LRRC38: variants seen among roughly 807,000 people sequenced by gnomAD.
LRRC38 encodes leucine-rich repeat-containing protein 38.
Under a neutral mutation model 16.4 loss-of-function variants are expected in LRRC38, and 5 were observed. The observed-to-expected ratio is 0.31, with a 90% confidence interval of 0.16 to 0.64. The LOEUF is 0.64. Among genes scored for constraint, LRRC38 ranks in the 30% least tolerant of loss-of-function variants. The probability of loss-of-function intolerance (pLI) is 0.80; values close to 1 mark genes in which losing one functional copy is unlikely to be tolerated. For synonymous variants in LRRC38, 191 were observed against 190.2 expected, an observed-to-expected ratio of 1.00 and a Z score of -0.04; for missense variants, 341 against 401.8, an observed-to-expected ratio of 0.85 and a Z score of 1.29.
chr1:13,485,294 A>G (rs1569914364), intron 1 of LRRC38, among the ~76,000 whole-genome samples: 1 of 120,754 alleles, frequency 8.3e-6, no homozygotes, highest in East Asian at 2.9e-4. Flanking sequence ...AAAAAAAAAA[A>G]CGGCCAGGCA....
intron 1 of LRRC38, among the ~76,000 whole-genome samples, chr1:13,502,028 T>C (rs1185577808): frequency 6.7e-6 from 1 of 149,652 alleles, no homozygotes; most frequent in African/African-American, 2.5e-5. Flanking sequence ...CCTGGGTTCA[T>C]GCCATTCTGC....
At chr1:13,485,138 G>A (rs924178013) in intron 1 of LRRC38, among the ~76,000 whole-genome samples, 3 of 152,078 alleles carry the variant, frequency 2.0e-5, no homozygotes, top group Admixed American at 6.6e-5. Context: ...TTAGCTAGGC[G>A]TGATGGCGCA....
chr1:13,503,508 A>G (rs1036094912), intron 1 of LRRC38, among the ~76,000 whole-genome samples: 2 of 152,156 alleles, frequency 1.3e-5, no homozygotes, highest in Non-Finnish European at 2.9e-5. Context: ...ACCTCAGGTG[A>G]TCTGCCCGCC....
intron 1 of LRRC38, among the ~76,000 whole-genome samples, chr1:13,501,158 T>C (rs916946815): frequency 6.6e-6 from 1 of 152,024 alleles, no homozygotes; most frequent in Non-Finnish European, 1.5e-5. Flanking sequence ...AATATAGATA[T>C]ATATACGCAT....
intron 1 of LRRC38, among the ~76,000 whole-genome samples, chr1:13,494,597 C>A (rs1333373760): frequency 6.6e-6 from 1 of 152,130 alleles, no homozygotes; most frequent in Non-Finnish European, 1.5e-5. Context: ...TGAATTTAAA[C>A]CATGGTGGAT....
Position 13,492,438 on chromosome 1 carries a change from C to T in LRRC38, c.632-16339G>A, listed in dbSNP as rs372031595. On this transcript the variant is annotated intron_variant, in intron 1 of 1. Coordinates refer to ENST00000376085, the MANE Select transcript of LRRC38 (RefSeq NM_001010847.2). ...ATTTTTGGCCGGGTGCGGTGGCTTA[C>T]GCTTGTAATCCCAGCACTTTGGGAG... is the stretch of plus-strand genomic sequence containing the variant. Among the ~76,000 whole-genome samples, 69 of 152,232 alleles carry T rather than the reference C, an allele frequency of 4.5e-4. No individual in the cohort carries two copies. In the South Asian group the frequency reaches 0.01, roughly 22 times the overall value.
intron 1 of LRRC38, among the ~76,000 whole-genome samples, chr1:13,510,057 CT>C (rs1240844214): frequency 2.0e-5 from 3 of 152,218 alleles, no homozygotes; most frequent in Admixed American, 6.5e-5. Context: ...CACCACGGTG[CT>C]CCCCACTTTT....
At chr1:13,485,891 A>G (rs1360354624) in intron 1 of LRRC38, among the ~76,000 whole-genome samples, 1 of 151,940 alleles carries the variant, frequency 6.6e-6, no homozygotes, top group Non-Finnish European at 1.5e-5. Context: ...GCTCCCTCCA[A>G]AGGTTCTGGG....
chr1:13,513,749 G>T lies in LRRC38; in HGVS notation c.-156C>A. 1 of 200,722 alleles carries T rather than the reference G, an allele frequency of 5.0e-6. No homozygotes were observed. Among genetic ancestry groups the T allele is most frequent in the South Asian group, 1.7e-4 (1 of 5,838 alleles). 12.4% of individuals were successfully genotyped at this position (200,722 alleles called of 1,614,324 possible). A position where few individuals can be genotyped will look rare whatever the true frequency, so the allele number is the denominator to read the frequency against. On this transcript the variant is annotated 5_prime_UTR_variant, in exon 1 of 2. Coordinates refer to ENST00000376085, the MANE Select transcript of LRRC38 (RefSeq NM_001010847.2). ...TGCGCCCGGGCGTGCGGGGGCGATG[G>T]AGCGCGGCGCGGACGGACTGGGGAG...
At chr1:13,485,610 G>A (rs59892650) in intron 1 of LRRC38, among the ~76,000 whole-genome samples, 25,201 of 151,942 alleles carry the variant, frequency 0.17, 2,140 homozygotes, top group East Asian at 0.24. Flanking sequence ...AGTTATTGCC[G>A]GGACACTAAG....
intron 1 of LRRC38, among the ~76,000 whole-genome samples, chr1:13,490,873 T>C (rs1198957822): frequency 2.6e-5 from 4 of 152,102 alleles, no homozygotes; most frequent in Non-Finnish European, 5.9e-5. Flanking sequence ...TCATCTGTAA[T>C]GGTGGGCTCG....
Position 13,476,018 on chromosome 1 carries a change from T to A in LRRC38, c.713A>T (p.Glu238Val). The change falls in exon 2 of 2, where the codon GAG (glutamate) becomes GTG (valine). Residue 238 changes from glutamate to valine, a missense_variant. By Grantham distance (121) the Glu-to-Val change is moderately radical. Transcript: ENST00000376085. ...LRELSEASFS[E>V]CRFSLSLTDL... ...TGTGAGTGACAGGCTGAACCTACAC[T>A]CGCTGAAGCTGGCCTCCGACAGCTC... is the stretch of plus-strand genomic sequence containing the variant. 1.9e-6 allele frequency: 3 copies of A among 1,550,448 alleles called. No homozygotes were observed. The highest frequency in any genetic ancestry group is 2.6e-6 in the Non-Finnish European group (3 of 1,146,964).
rs369607575 is a variant in LRRC38, at chr1:13,475,877, G to A, written c.854C>T (p.Ala285Val). 39 of 1,550,274 alleles carry A rather than the reference G, an allele frequency of 2.5e-5. No homozygotes were observed. Among genetic ancestry groups the A allele is most frequent in the African/African-American group, 1.4e-4 (10 of 73,008 alleles). ...CLQRCAPNKDAEDEDEDKDD is the reference protein window; with the variant it reads ...CLQRCAPNKDVEDEDEDKDD ...ATCCTTGTCCTCGTCTTCATCCTCC[G>A]CATCTTTGTTGGGTGCGCACCTCTG... The change falls in exon 2 of 2, where the codon GCG (alanine) becomes GTG (valine). Residue 285 changes from alanine (A) to valine (V), a missense_variant. Physicochemically the swap from Ala to Val is moderately conservative, Grantham distance 64. Transcript: ENST00000376085. The surrounding 1 kb of genome is among the most constrained non-coding windows in gnomAD (Gnocchi z 4.3).
Position 13,513,401 on chromosome 1 carries a change from C to G in LRRC38, c.193G>C (p.Gly65Arg). The G allele has an allele frequency of 6.4e-7, 1 of 1,550,536 alleles. No homozygotes were observed. Residue 65 changes from glycine (G) to arginine (R), a missense_variant, in exon 1 of 2, where the codon GGC (glycine) becomes CGC (arginine). By Grantham distance (125) the Gly-to-Arg change is moderately radical. Transcript: ENST00000376085. ...TCGGGGATCCGCTGGATGCGGTTGC[C>G]GGCCACCAGCAGCTTGCGCACGTCC... The part of the protein sequence containing the change: ...PLDVRKLLVA[G>R]NRIQRIPEDF...
intron 1 of LRRC38, among the ~76,000 whole-genome samples, chr1:13,506,182 T>C (rs1450515428): frequency 3.4e-5 from 5 of 146,414 alleles, no homozygotes; most frequent in Non-Finnish European, 7.5e-5. Context: ...AGGGAAGAGG[T>C]GGAGCATGGA....
At chr1:13,494,024 C>T (rs1390486712) in intron 1 of LRRC38, among the ~76,000 whole-genome samples, 5 of 152,196 alleles carry the variant, frequency 3.3e-5, no homozygotes, top group African/African-American at 1.2e-4. Flanking sequence ...GATCGCACCA[C>T]TGCACTCCAG....
chr1:13,479,518 C>A (rs188199234), intron 1 of LRRC38, among the ~76,000 whole-genome samples: 134 of 152,332 alleles, frequency 8.8e-4, no homozygotes, highest in Non-Finnish European at 6.2e-4. Flanking sequence ...TTCTTTGTGC[C>A]TTGAGACTCA....
At chr1:13,496,209 C>T (rs911223835) in intron 1 of LRRC38, among the ~76,000 whole-genome samples, 1 of 152,108 alleles carries the variant, frequency 6.6e-6, no homozygotes, top group African/African-American at 2.4e-5. Context: ...TTCTGTCACC[C>T]AGGCTGGGGT....
chr1:13,483,984 T>C (rs983554135), intron 1 of LRRC38, among the ~76,000 whole-genome samples: 8 of 151,954 alleles, frequency 5.3e-5, no homozygotes, highest in African/African-American at 1.9e-4. Context: ...AGTACGCATG[T>C]GTGTGTGGAG....
Sources: allele counts gnomAD v4.1 joint callset (sites outside exome capture counted in the v4.1 genomes callset), GRCh38; gene constraint gnomAD v4.1.1; non-coding constraint Gnocchi (gnomAD v3.1); transcripts MANE v1.5; gene names NCBI Gene and HGNC (gene_info 2026-07-23, HGNC 2026-07-21).